The following LAMA4 variants were observed in gnomAD, a reference collection of about 807,000 sequenced individuals.
LAMA4 encodes the protein laminin subunit alpha 4, also known as laminin subunit alpha-4.
In LAMA4, 127 loss-of-function variants were observed where a neutral mutation model predicts 207.1. That is an observed-to-expected ratio of 0.61 (90% CI 0.53 to 0.71). LAMA4 has a LOEUF of 0.71. Among genes scored for constraint, LAMA4 ranks in the 30% least tolerant of loss-of-function variants. The pLI is 0.00. For missense variants in LAMA4, 2,093 were observed against 2,246.5 expected, an observed-to-expected ratio of 0.93 and a Z score of 1.38; for synonymous variants, 761 against 816.0, an observed-to-expected ratio of 0.93 and a Z score of 1.15.
At chr6:112,140,625 G>T in intron 22 of LAMA4, 135 bp downstream of exon 22, 1 of 786,138 alleles carries the variant, frequency 1.3e-6, no homozygotes, top group Non-Finnish European at 2.2e-6. Context: ...ATAGATTCTG[G>T]TTCAGAATTC....
intron 14 of LAMA4, among the ~76,000 whole-genome samples, chr6:112,157,375 G>C (rs1780781059): frequency 6.6e-6 from 1 of 152,132 alleles, no homozygotes; most frequent in African/African-American, 2.4e-5. Flanking sequence ...ATGTGCTATT[G>C]AAATGGAAGC....
In LAMA4 at chr6:112,142,183, G is replaced by C. The variant is rs368543835; in HGVS notation, c.2603C>G (p.Pro868Arg). Reference sequence around the variant, plus strand: ...CTCGGTCAGTTCCGGCCGCTTCACAGGGGGTTTCATGTACAGGCTCAGAGA... The same window carrying C: ...CTCGGTCAGTTCCGGCCGCTTCACACGGGGTTTCATGTACAGGCTCAGAGA... ...FTSLSLYMKP[P>R]VKRPELTETA... The change falls in exon 20 of 39, where the codon CCT becomes CGT. Residue 868 changes from proline (P) to arginine (R), a missense_variant. Around this residue, in one of 3 missense-constraint regions of LAMA4, gnomAD observed 1,704 missense variants for 1,788.4 expected, o/e 0.95. Coordinates refer to ENST00000230538, the MANE Select transcript of LAMA4 (RefSeq NM_001105206.3). 3.2e-5 allele frequency: 51 copies of C among 1,614,100 alleles called. No homozygotes were observed. Among genetic ancestry groups the C allele is most frequent in the Admixed American group, 5.0e-5 (3 of 60,016 alleles).
At position 112,120,362 on chromosome 6, in the gene LAMA4, A is replaced by T; in HGVS notation, c.4586T>A (p.Leu1529Ter). The part of the protein sequence containing the change: ...FMTLFLAHGR[L>*]VYMFNVGHKK... ...GTGACCAACATTAAACATGTAAACC[A>T]AGCGGCCATGGGCCAAAAATAGAGT... Residue 1529 changes from leucine to a stop codon, truncating the protein, a stop_gained, in exon 33 of 39, where the codon TTG (leucine) becomes TAG (stop). Coordinates refer to ENST00000230538, the MANE Select transcript of LAMA4 (RefSeq NM_001105206.3). LOFTEE classifies it high-confidence loss of function. 6.2e-7 allele frequency: 1 copy of T among 1,614,044 alleles called. No homozygotes were observed. Among genetic ancestry groups the T allele is most frequent in the Non-Finnish European group, 8.5e-7 (1 of 1,179,946 alleles).
At chr6:112,173,196 T>C (rs1554342558) in intron 11 of LAMA4, among the ~76,000 whole-genome samples, 1 of 152,158 alleles carries the variant, frequency 6.6e-6, no homozygotes, top group African/African-American at 2.4e-5. Context: ...TAAGGCAAAA[T>C]GATGTTCATA....
At chr6:112,208,512 T>G (rs115506616) in intron 3 of LAMA4, among the ~76,000 whole-genome samples, 2,009 of 152,264 alleles carry the variant, frequency 0.013, 41 homozygotes, top group African/African-American at 0.045. Context: ...TTAAGCAAAT[T>G]GCCCGAGGTC....
intron 3 of LAMA4, among the ~76,000 whole-genome samples, chr6:112,209,998 A>G (rs1172931401): frequency 6.9e-6 from 1 of 144,074 alleles, no homozygotes; most frequent in Non-Finnish European, 1.5e-5. Context: ...AGTGTGTAGC[A>G]CCTCCCCCTT....
At chr6:112,203,698 G>T (rs1394399692) in intron 4 of LAMA4, among the ~76,000 whole-genome samples, 1 of 152,164 alleles carries the variant, frequency 6.6e-6, no homozygotes, top group Non-Finnish European at 1.5e-5. Flanking sequence ...TCACTACAGA[G>T]AAAAATCTGT....
rs9387062 is a variant in LAMA4, at chr6:112,194,565, G to A, written c.504-2715C>T. 1.6e-3 allele frequency among the ~76,000 whole-genome samples: 246 copies of A among 152,298 alleles called. 10 individuals carry two copies. In the East Asian group the frequency reaches 0.041, roughly 25 times the overall value. The stretch of plus-strand genomic sequence containing the variant: ...AGCATACAAAAGTTTACTTATGATA[G>A]TCCCTGACAAACCCCTACTTTTATA... On this transcript the variant is annotated intron_variant, in intron 5 of 38. Transcript: ENST00000230538.
At position 112,119,137 on chromosome 6, in the gene LAMA4, C is replaced by G; in HGVS notation, c.4821+19G>C. 1 of 1,613,288 alleles carries G rather than the reference C, an allele frequency of 6.2e-7. No individual in the cohort carries two copies. Among genetic ancestry groups the G allele is most frequent in the Non-Finnish European group, 8.5e-7 (1 of 1,179,592 alleles). ...TGGCTCTAATGGTCAATGGCTCTACCTGGTCATGCCTGGCTTACCTGAACA... is the reference window on the plus strand; with the variant it reads ...TGGCTCTAATGGTCAATGGCTCTACGTGGTCATGCCTGGCTTACCTGAACA... On this transcript the variant is annotated intron_variant, in intron 34 of 38. Coordinates refer to ENST00000230538, the MANE Select transcript of LAMA4 (RefSeq NM_001105206.3).
intron 5 of LAMA4, among the ~76,000 whole-genome samples, chr6:112,192,419 A>G (rs540230804): frequency 3.9e-4 from 59 of 152,342 alleles, no homozygotes; most frequent in African/African-American, 1.3e-3. Context: ...AGGAAGAGGC[A>G]GCAGGTAGTA....
At chr6:112,187,353 T>G in intron 8 of LAMA4, 97 bp downstream of exon 8, 127 of 1,359,546 alleles carry the variant, frequency 9.3e-5, no homozygotes, top group Non-Finnish European at 1.2e-4. Context: ...AATACAGGTA[T>G]GAGACTCAGA....
At chr6:112,184,189 T>A (rs1554345976) in intron 9 of LAMA4, among the ~76,000 whole-genome samples, 1 of 152,062 alleles carries the variant, frequency 6.6e-6, no homozygotes, top group East Asian at 1.9e-4. Context: ...GGGTCCAAGG[T>A]CAAAAGAGAA....
At chr6:112,226,301 G>A (rs1785207874) in intron 2 of LAMA4, among the ~76,000 whole-genome samples, 2 of 152,016 alleles carry the variant, frequency 1.3e-5, no homozygotes, top group Admixed American at 1.3e-4. Flanking sequence ...TGACATACAA[G>A]GATCCAACCT....
At position 112,163,065 on chromosome 6, in the gene LAMA4, G is replaced by T. The variant is rs182958018; in HGVS notation, c.1668+2095C>A. 5.4e-5 allele frequency among the ~76,000 whole-genome samples: 8 copies of T among 148,136 alleles called. No individual in the cohort carries two copies. In the Admixed American group the frequency reaches 5.5e-4, roughly 10 times the overall value. ...CGGCTCACTGCAGCCTGCACTTCCC[G>T]GGCTCAAGTGATCCTCCCATCTCAG... is the stretch of plus-strand genomic sequence containing the variant. On this transcript the variant is annotated intron_variant, in intron 13 of 38. Coordinates refer to ENST00000230538, the MANE Select transcript of LAMA4 (RefSeq NM_001105206.3).
intron 17 of LAMA4, among the ~76,000 whole-genome samples, chr6:112,149,641 C>T (rs1048160012): frequency 8.5e-5 from 13 of 152,144 alleles, no homozygotes; most frequent in Non-Finnish European, 1.5e-4. Flanking sequence ...GTCAATTAAA[C>T]CTCTTTTCTT....
chr6:112,121,969 C>A (rs1452518645), intron 32 of LAMA4, 45 bp downstream of exon 32: 2 of 1,539,942 alleles, frequency 1.3e-6, no homozygotes, highest in African/African-American at 1.4e-5. Context: ...AAGATGGAGC[C>A]CAGCCATGTC....
intron 4 of LAMA4, among the ~76,000 whole-genome samples, chr6:112,204,859 G>A (rs1355878549): frequency 2.0e-5 from 3 of 152,166 alleles, no homozygotes; most frequent in Non-Finnish European, 4.4e-5. Flanking sequence ...CAAGGTCTGA[G>A]GCAGTTTAAC....
intron 7 of LAMA4, 122 bp from the exon 8 acceptor site, chr6:112,187,723 G>A (rs927115163): frequency 1.0e-6 from 1 of 990,114 alleles, no homozygotes. Flanking sequence ...CTCATGAAGA[G>A]CTGTAATTCT....
chr6:112,176,319 T>C (rs547338644), intron 10 of LAMA4, among the ~76,000 whole-genome samples: 1 of 152,342 alleles, frequency 6.6e-6, no homozygotes, highest in South Asian at 2.1e-4. Flanking sequence ...TGTCACCTTG[T>C]TCTACTGCAG....
Sources: gnomAD v4.1 joint callset for allele counts (sites outside exome capture counted in the v4.1 genomes callset) on GRCh38, gnomAD v4.1.1 for gene constraint, gnomAD v4.1.1 regional missense constraint, MANE v1.5 for transcripts, NCBI Gene and HGNC (gene_info 2026-07-23, HGNC 2026-07-21) for gene names.